Variants in ETV6 observed in about 807,000 individuals in gnomAD.
ETV6 encodes the protein transcription factor ETV6.
Under a neutral mutation model 51.1 loss-of-function variants are expected in ETV6, and 16 were observed. The ratio of observed to expected loss-of-function variants is 0.31; its 90% CI spans 0.21 to 0.48. The LOEUF (loss-of-function observed/expected upper bound fraction) is 0.48, where lower values mean the gene tolerates loss of function less well. Among genes scored for constraint, ETV6 ranks in the 20% least tolerant of loss-of-function variants. The pLI is 0.99. For missense variants in ETV6, 458 were observed against 594.8 expected, an observed-to-expected ratio of 0.77 and a Z score of 2.39; for synonymous variants, 240 against 224.1, an observed-to-expected ratio of 1.07 and a Z score of -0.64.
chr12:11,726,684 T>A (rs1437795198), intron 1 of ETV6, among the ~76,000 whole-genome samples: 1 of 152,024 alleles, frequency 6.6e-6, no homozygotes, highest in Non-Finnish European at 1.5e-5. Context: ...GTGGGAGGAT[T>A]GCTTGAGCCC....
intron 1 of ETV6, among the ~76,000 whole-genome samples, chr12:11,655,630 G>A (rs922043089): frequency 3.9e-5 from 6 of 152,178 alleles, no homozygotes; most frequent in Non-Finnish European, 8.8e-5. Context: ...CTAGTGCTAC[G>A]ATGTGCTTGG....
At chr12:11,870,644 A>G (rs758660565) in intron 5 of ETV6, among the ~76,000 whole-genome samples, 5 of 152,214 alleles carry the variant, frequency 3.3e-5, no homozygotes, top group African/African-American at 7.2e-5. Flanking sequence ...TCCTCTAACC[A>G]TGTGACAAGG....
intron 2 of ETV6, among the ~76,000 whole-genome samples, chr12:11,812,494 T>C (rs1003505596): frequency 6.6e-6 from 1 of 152,210 alleles, no homozygotes; most frequent in Admixed American, 6.5e-5. Flanking sequence ...TATTTAGTGC[T>C]TTCCTTCCTC....
intron 5 of ETV6, among the ~76,000 whole-genome samples, chr12:11,879,870 AC>A (rs1947059452): frequency 6.6e-6 from 1 of 152,136 alleles, no homozygotes; most frequent in African/African-American, 2.4e-5. Flanking sequence ...TGATCAAAGA[AC>A]ATTGTATCTG....
At chr12:11,708,592 C>T (rs904952345) in intron 1 of ETV6, among the ~76,000 whole-genome samples, 2 of 152,166 alleles carry the variant, frequency 1.3e-5, no homozygotes, top group South Asian at 2.1e-4. Context: ...TCACAGGTAC[C>T]ACTTGTAGGC....
chr12:11,854,259 A>C (rs552498681), intron 4 of ETV6, among the ~76,000 whole-genome samples: 161 of 152,042 alleles, frequency 1.1e-3, no homozygotes, highest in African/African-American at 3.5e-3. Context: ...AGGACGTGGG[A>C]CTCAGGCGGT....
chr12:11,802,824 C>T (rs1316099262), intron 2 of ETV6, among the ~76,000 whole-genome samples: 1 of 152,198 alleles, frequency 6.6e-6, no homozygotes, highest in South Asian at 2.1e-4. Context: ...GTTCCCATAG[C>T]AGCTCTCCTG....
intron 1 of ETV6, among the ~76,000 whole-genome samples, chr12:11,742,212 C>G (rs2724642): frequency 6.6e-6 from 1 of 152,226 alleles, no homozygotes; most frequent in Non-Finnish European, 1.5e-5. Flanking sequence ...ACACACACTT[C>G]TGTATTCCAT....
intron 1 of ETV6, among the ~76,000 whole-genome samples, chr12:11,671,801 G>A (rs530499807): frequency 1.0e-3 from 156 of 152,146 alleles, no homozygotes; most frequent in Non-Finnish European, 1.8e-3. Flanking sequence ...TTTTGACCCA[G>A]CAGTTAGTTT....
At chr12:11,821,970 C>T (rs1032534534) in intron 2 of ETV6, among the ~76,000 whole-genome samples, 3 of 152,204 alleles carry the variant, frequency 2.0e-5, no homozygotes, top group African/African-American at 4.8e-5. Context: ...ACCGGTTGTG[C>T]TCTTTTCATG....
intron 1 of ETV6, among the ~76,000 whole-genome samples, chr12:11,685,399 T>C (rs1055865009): frequency 2.0e-5 from 3 of 152,050 alleles, no homozygotes; most frequent in African/African-American, 7.2e-5. Context: ...TAGAAACCCT[T>C]AGGGGCACAG....
intron 6 of ETV6, 80 bp from the exon 7 acceptor site, chr12:11,885,846 A>T (rs757680919): frequency 3.0e-6 from 3 of 998,696 alleles, no homozygotes; most frequent in Non-Finnish European, 4.6e-6. Flanking sequence ...TTATTTTAAT[A>T]GCTCCCGCAG....
At chr12:11,870,753 C>T (rs1328058780) in intron 5 of ETV6, among the ~76,000 whole-genome samples, 1 of 152,188 alleles carries the variant, frequency 6.6e-6, no homozygotes, top group Non-Finnish European at 1.5e-5. Flanking sequence ...GCTAGTTTAA[C>T]ATGCAATATC....
intron 2 of ETV6, among the ~76,000 whole-genome samples, chr12:11,827,902 G>A (rs1361363848): frequency 6.6e-6 from 1 of 152,198 alleles, no homozygotes; most frequent in Non-Finnish European, 1.5e-5. Flanking sequence ...GAGTATCCAT[G>A]TTCTGTGAAT....
chr12:11,691,106 C>T (rs1266216540), intron 1 of ETV6, among the ~76,000 whole-genome samples: 1 of 152,064 alleles, frequency 6.6e-6, no homozygotes, highest in Non-Finnish European at 1.5e-5. Flanking sequence ...GCTGACTTCT[C>T]ACTGTGTCCT....
At chr12:11,690,025 A>C (rs1042807747) in intron 1 of ETV6, among the ~76,000 whole-genome samples, 1 of 152,000 alleles carries the variant, frequency 6.6e-6, no homozygotes, top group African/African-American at 2.4e-5. Context: ...AAGGGTCAGA[A>C]TATTCAGAGA....
intron 1 of ETV6, among the ~76,000 whole-genome samples, chr12:11,751,599 A>G (rs994662600): frequency 1.3e-5 from 2 of 152,090 alleles, no homozygotes; most frequent in Non-Finnish European, 2.9e-5. Flanking sequence ...TTCTCACCCC[A>G]TCTAGTTTGT....
chr12:11,868,153 T>C (rs996103908), intron 4 of ETV6, among the ~76,000 whole-genome samples: 3 of 152,220 alleles, frequency 2.0e-5, no homozygotes, highest in African/African-American at 7.2e-5. Flanking sequence ...AGTAAGATTG[T>C]CATTCTGTAA....
chr12:11,667,959 C>G (rs1864227864), intron 1 of ETV6, among the ~76,000 whole-genome samples: 2 of 152,098 alleles, frequency 1.3e-5, no homozygotes, highest in Non-Finnish European at 2.9e-5. Context: ...TTCGGCCTCC[C>G]AAAGTGCTGG....
Sources: allele counts gnomAD v4.1 joint callset (sites outside exome capture counted in the v4.1 genomes callset), GRCh38; gene constraint gnomAD v4.1.1; transcripts MANE v1.5; gene names NCBI Gene and HGNC (gene_info 2026-07-23, HGNC 2026-07-21).